Variants in DOP1A observed in about 807,000 individuals in gnomAD.
DOP1A encodes protein DOP1A.
Under a neutral mutation model 267.6 loss-of-function variants are expected in DOP1A, and 90 were observed. That is an observed-to-expected ratio of 0.34 (90% confidence interval 0.28 to 0.40). The LOEUF is 0.40. Among genes scored for constraint, DOP1A ranks in the 10% least tolerant of loss-of-function variants. The pLI is 1.00. For missense variants in DOP1A, 2,437 were observed against 2,900.4 expected, an observed-to-expected ratio of 0.84 and a Z score of 3.67; for synonymous variants, 932 against 999.1, an observed-to-expected ratio of 0.93 and a Z score of 1.27.
intron 5 of DOP1A, among the ~76,000 whole-genome samples, chr6:83,109,575 G>A (rs762228078): frequency 3.3e-5 from 5 of 152,164 alleles, no homozygotes; most frequent in Admixed American, 6.5e-5. Context: ...GCTAATGGGA[G>A]AAAATAGCTT....
At chr6:83,163,063 T>A in intron 38 of DOP1A, 144 bp downstream of exon 38, 1 of 799,382 alleles carries the variant, frequency 1.3e-6, no homozygotes, top group Non-Finnish European at 1.9e-6. Flanking sequence ...AGAGTTAATG[T>A]CCATAAGCCT....
chr6:83,148,772 A>C lies in DOP1A; in HGVS notation c.5746A>C (p.Asn1916His). 1 of 1,553,348 alleles carries C rather than the reference A, an allele frequency of 6.4e-7. No individual in the cohort carries two copies. Among genetic ancestry groups the C allele is most frequent in the Non-Finnish European group, 8.6e-7 (1 of 1,159,388 alleles). ...ATTATCTTGCAGAATTCCAGTGCCCAATTTAGTGGATAGCTGGGCGTCACT... is the reference window on the plus strand; with the variant it reads ...ATTATCTTGCAGAATTCCAGTGCCCCATTTAGTGGATAGCTGGGCGTCACT... ...YAYIQRIPVP[N>H]LVDSWASLLI... is the part of the protein sequence containing the mutation. The change falls in exon 27 of 39, where the codon AAT becomes CAT. Residue 1916 changes from asparagine to histidine, a missense_variant. Asn to His is a moderately conservative substitution (Grantham distance 68). Around this residue, in one of 9 missense-constraint regions of DOP1A, gnomAD observed 216 missense variants for 283.3 expected, o/e 0.76. Transcript: ENST00000349129.
intron 6 of DOP1A, among the ~76,000 whole-genome samples, chr6:83,110,842 C>A (rs968665989): frequency 6.6e-6 from 1 of 152,090 alleles, no homozygotes; most frequent in Non-Finnish European, 1.5e-5. Context: ...TATTTTAATG[C>A]ATATTTCTGG....
chr6:83,146,355 T>C (rs1189663668), intron 25 of DOP1A, among the ~76,000 whole-genome samples: 1 of 152,208 alleles, frequency 6.6e-6, no homozygotes. Context: ...AATTATGATA[T>C]ATATCTGAAA....
intron 38 of DOP1A, chr6:83,166,661 C>T (rs1239477322): frequency 1.5e-5 from 19 of 1,245,520 alleles, no homozygotes; most frequent in African/African-American, 3.1e-5. Flanking sequence ...ATGCAAAAAC[C>T]GCAATTACGT....
At chr6:83,164,613 C>G in intron 38 of DOP1A, 1 of 1,533,124 alleles carries the variant, frequency 6.5e-7, no homozygotes, top group Non-Finnish European at 8.9e-7. Flanking sequence ...GCCAAGCATA[C>G]TTTTCACTGG....
chr6:83,151,461 A>G, intron 27 of DOP1A, 132 bp from the exon 28 acceptor site: 1 of 568,660 alleles, frequency 1.8e-6, no homozygotes, highest in Non-Finnish European at 3.0e-6. Flanking sequence ...GTCATAGGAT[A>G]TGTATATATA....
Position 83,110,107 on chromosome 6 carries a change from A to G in DOP1A, c.492-18A>G. 1.9e-6 allele frequency: 3 copies of G among 1,550,882 alleles called. No individual in the cohort carries two copies. The highest frequency in any genetic ancestry group is 1.7e-6 in the Non-Finnish European group (2 of 1,151,766). On this transcript the variant is annotated intron_variant, in intron 5 of 38. Coordinates refer to ENST00000349129, the MANE Select transcript of DOP1A (RefSeq NM_015018.4). ...AACTAAATGTTTCCCTTCTTAAACC[A>G]CTTTATTTATACCTCAGAACAAATA...
At chr6:83,139,593 G>T (rs192057121) in intron 21 of DOP1A, among the ~76,000 whole-genome samples, 2 of 152,096 alleles carry the variant, frequency 1.3e-5, no homozygotes, top group African/African-American at 4.8e-5. Context: ...GACAAAATTC[G>T]ATCTGAGTCT....
chr6:83,153,628 C>A lies in DOP1A; in HGVS notation c.6239+8C>A. 6.4e-7 allele frequency: 1 copy of A among 1,553,414 alleles called. No homozygotes were observed. The highest frequency in any genetic ancestry group is 8.7e-7 in the Non-Finnish European group (1 of 1,145,184). On this transcript the variant is annotated splice_region_variant and intron_variant, in intron 31 of 38. Coordinates refer to ENST00000349129, the MANE Select transcript of DOP1A (RefSeq NM_015018.4). ...CTACCTCAGAAATCACAGGTACTAT[C>A]ATTATTTAAATAGTTTTTAAAATTA...
chr6:83,157,401 G>A (rs1378706697), intron 35 of DOP1A, 83 bp downstream of exon 35: 23 of 1,409,842 alleles, frequency 1.6e-5, no homozygotes, highest in East Asian at 2.3e-5. Context: ...AGATATTAAC[G>A]AATATTGGGA....
chr6:83,075,756 T>G (rs1302225880), intron 1 of DOP1A, among the ~76,000 whole-genome samples: 1 of 152,178 alleles, frequency 6.6e-6, no homozygotes, highest in Non-Finnish European at 1.5e-5. Context: ...GGATAGCCTC[T>G]TCACCAGATA....
downstream of DOP1A, chr6:83,169,470 TCTTTCAG>T: frequency 3.3e-6 from 3 of 901,358 alleles, no homozygotes; most frequent in Non-Finnish European, 4.9e-6. Flanking sequence ...CCTTTTTTCA[TCTTTCAG>T]TAACAAATTC....
intron 1 of DOP1A, among the ~76,000 whole-genome samples, chr6:83,081,684 A>T (rs1768098892): frequency 6.6e-6 from 1 of 152,216 alleles, no homozygotes; most frequent in Non-Finnish European, 1.5e-5. Context: ...AAAAATAGAC[A>T]AATGGGGTTA....
intron 24 of DOP1A, 94 bp from the exon 25 acceptor site, chr6:83,145,430 T>C (rs896234690): frequency 9.6e-6 from 11 of 1,144,032 alleles, no homozygotes; most frequent in East Asian, 8.5e-5. Context: ...TTAAAAAATA[T>C]AAAAAAAGAA....
intron 10 of DOP1A, among the ~76,000 whole-genome samples, chr6:83,121,142 C>G (rs1187249953): frequency 1.3e-5 from 2 of 151,756 alleles, no homozygotes; most frequent in East Asian, 3.8e-4. Flanking sequence ...AGTTATATCC[C>G]TCAGCTTTCT....
At chr6:83,167,719 GT>G (rs1786125881) in intron 38 of DOP1A, 142 bp from the exon 39 acceptor site, 1 of 1,412,642 alleles carries the variant, frequency 7.1e-7, no homozygotes. Context: ...AGCACCAAGG[GT>G]TTTGATCAGG....
intron 3 of DOP1A, among the ~76,000 whole-genome samples, chr6:83,099,612 AAAG>A (rs1486558510): frequency 7.9e-5 from 12 of 152,106 alleles, no homozygotes; most frequent in African/African-American, 2.7e-4. Flanking sequence ...TAGATAACTC[AAAG>A]AAGAATACCC....
intron 30 of DOP1A, among the ~76,000 whole-genome samples, chr6:83,152,620 CTTTTTTTT>C (rs35823510): frequency 7.5e-6 from 1 of 133,876 alleles, no homozygotes; most frequent in African/African-American, 2.7e-5. Context: ...TTTTCTTTTT[CTTTTTTTT>C]TTTTTTTTGA....
Sources: allele counts gnomAD v4.1 joint callset (sites outside exome capture counted in the v4.1 genomes callset), GRCh38; gene constraint gnomAD v4.1.1; regional missense constraint gnomAD v4.1.1; transcripts MANE v1.5; gene names NCBI Gene and HGNC (gene_info 2026-07-23, HGNC 2026-07-21).